Variants in SUMO3 observed in about 807,000 individuals in gnomAD.
The protein encoded by SUMO3 is small ubiquitin-related modifier 3.
A neutral mutation model predicts 11.1 loss-of-function variants in SUMO3; 2 were observed. That is an observed-to-expected ratio of 0.18 (90% confidence interval 0.07 to 0.57). The LOEUF (loss-of-function observed/expected upper bound fraction) is 0.57, where lower values mean the gene tolerates loss of function less well. SUMO3 is among the 20% of genes least tolerant of loss of function. The pLI, the probability that SUMO3 is intolerant of heterozygous loss-of-function variation, is 0.92. For missense variants in SUMO3, 70 were observed against 132.8 expected, an observed-to-expected ratio of 0.53 and a Z score of 2.32; for synonymous variants, 56 against 53.5, an observed-to-expected ratio of 1.05 and a Z score of -0.20.
chr21:44,813,131 A>T lies in SUMO3; in HGVS notation c.150+845T>A, dbSNP rs931830800. Among the ~76,000 whole-genome samples, 21 of 152,308 alleles carry T rather than the reference A, an allele frequency of 1.4e-4. No individual in the cohort carries two copies. The East Asian group carries it at 3.9e-3, about 28-fold the overall frequency. On this transcript the variant is annotated intron_variant, in intron 2 of 3. Coordinates refer to ENST00000332859, the MANE Select transcript of SUMO3 (RefSeq NM_006936.3). ...CCAAAGTGGGAGGGAAAGAGGAGGA[A>T]ATCTAACTGAAAATCCACAGGCAAA...
rs187516208 is a variant in SUMO3, at chr21:44,805,725, T to A, written c.*1226A>T. On this transcript the variant is annotated 3_prime_UTR_variant, in exon 4 of 4. Coordinates refer to ENST00000332859, the MANE Select transcript of SUMO3 (RefSeq NM_006936.3). ...CCAACAAACATCCCACCCGAGCCCA[T>A]ACAGCAAACAGGAAATGAGAACATT... The A allele has an allele frequency of 1.2e-4, 18 of 152,620 alleles. No individual in the cohort carries two copies. The highest frequency in any genetic ancestry group is 4.3e-4 in the African/African-American group (18 of 41,504). The allele number at this position is 152,620 out of a possible 1,614,324, so 9.5% of individuals were successfully genotyped here. A position where few individuals can be genotyped will look rare whatever the true frequency, so the allele number is the denominator to read the frequency against.
rs1301781857 is a variant in SUMO3 at position 44,810,962 on chromosome 21, ATGCACACCCATGCACACACC to A, written c.151-1864_151-1845del. Among the ~76,000 whole-genome samples the A allele has an allele frequency of 2.7e-5, 4 of 150,370 alleles. No homozygotes were observed. The highest frequency in any genetic ancestry group is 9.9e-5 in the African/African-American group (4 of 40,446). ...CCCACACACATGCACACACCCACAC[ATGCACACCCATGCACACACC>A]CATGCACACACCCACACATGCACAC... is the stretch of plus-strand genomic sequence containing the variant. On this transcript the variant is annotated intron_variant, in intron 2 of 3. Coordinates refer to ENST00000332859, the MANE Select transcript of SUMO3 (RefSeq NM_006936.3). This position sits in a 1 kb window ranked among gnomAD's most constrained non-coding sequence, Gnocchi z 4.1.
rs558455681 is a variant in SUMO3, at chr21:44,810,067, A to G, written c.151-949T>C. ...TTTGGCCTTGAGGAGGGCAGCAGGA[A>G]GGAGAGCACGCAGCCTTTCTGCGTC... On this transcript the variant is annotated intron_variant, in intron 2 of 3. Transcript: ENST00000332859. The surrounding 1 kb of genome is among the most constrained non-coding windows in gnomAD (Gnocchi z 4.1). Among the ~76,000 whole-genome samples, 1 of 152,336 alleles carries G rather than the reference A, an allele frequency of 6.6e-6. No homozygotes were observed. The highest frequency in any genetic ancestry group is 2.1e-4 in the South Asian group (1 of 4,824).
chr21:44,815,742 C>A (rs1331672506), intron 1 of SUMO3, among the ~76,000 whole-genome samples: 1 of 152,146 alleles, frequency 6.6e-6, no homozygotes, highest in Non-Finnish European at 1.5e-5. Context: ...GGAATGGCTG[C>A]AGCCCCGGGA....
In SUMO3 at chr21:44,813,985, G is replaced by A. The variant is rs373252768; in HGVS notation, c.141C>T (p.Cys47=). The A allele has an allele frequency of 3.2e-5, 51 of 1,611,616 alleles. No individual in the cohort carries two copies. Among genetic ancestry groups the A allele is most frequent in the Non-Finnish European group, 4.0e-5 (47 of 1,179,990 alleles). ...TPLSKLMKAY[C]ERQGLSMRQI... is the part of the protein sequence containing the mutation. ...GAGCAAGGTGCCGCACCTGCCTCTC[G>A]CAGTAGGCCTTCATCAGCTTGCTCA... The change falls in exon 2 of 4, where the codon TGC becomes TGT. Residue 47 remains cysteine, a synonymous_variant. Coordinates refer to ENST00000332859, the MANE Select transcript of SUMO3 (RefSeq NM_006936.3).
chr21:44,813,976 C>G lies in SUMO3; in HGVS notation c.150G>C (p.Gln50His). 6.2e-7 allele frequency: 1 copy of G among 1,611,040 alleles called. No individual in the cohort carries two copies. The change falls in exon 2 of 4, where the codon CAG (glutamine) becomes CAC (histidine). Residue 50 changes from glutamine to histidine, a missense_variant and splice_region_variant. By Grantham distance (24) the Gln-to-His change is conservative (BLOSUM62 0). Coordinates refer to ENST00000332859, the MANE Select transcript of SUMO3 (RefSeq NM_006936.3). ...SKLMKAYCER[Q>H]GLSMRQIRFR... ...TCTGCGGGGGAGCAAGGTGCCGCAC[C>G]TGCCTCTCGCAGTAGGCCTTCATCA...
upstream of SUMO3, chr21:44,818,062 TGCGC>T: frequency 2.9e-6 from 3 of 1,019,010 alleles, no homozygotes; most frequent in Non-Finnish European, 3.7e-6. Flanking sequence ...GCCGCAACTG[TGCGC>T]GGGGCCGCGC....
At chr21:44,814,546 A>G (rs562942089) in intron 1 of SUMO3, among the ~76,000 whole-genome samples, 1 of 152,248 alleles carries the variant, frequency 6.6e-6, no homozygotes, top group Non-Finnish European at 1.5e-5. Context: ...TTTTTAAAAA[A>G]TTCTTATGAA....
chr21:44,807,030 T>TC lies in SUMO3; in HGVS notation c.232dup (p.Glu78GlyfsTer45), dbSNP rs1441391881. The TC allele has an allele frequency of 6.2e-7, 1 of 1,613,788 alleles. No individual in the cohort carries two copies. Among genetic ancestry groups the TC allele is most frequent in the Non-Finnish European group, 8.5e-7 (1 of 1,179,958 alleles). On this transcript the variant is annotated frameshift_variant, in exon 4 of 4. Coordinates refer to ENST00000332859, the MANE Select transcript of SUMO3 (RefSeq NM_006936.3). LOFTEE classifies it high-confidence loss of function. The surrounding 1 kb of genome is among the most constrained non-coding windows in gnomAD (Gnocchi z 4.3). ...GAACACGTCGATGGTGTCCTCGTCC[T>TC]CCATCTCCAGCTGTCATGGTTGTCA... is the stretch of plus-strand genomic sequence containing the variant.
chr21:44,816,925 GTGGAGGGGGTGAT>G (rs2083247648), intron 1 of SUMO3, among the ~76,000 whole-genome samples: 1 of 126,798 alleles, frequency 7.9e-6, no homozygotes. Flanking sequence ...GGCGCACATC[GTGGAGGGGGTGAT>G]GGGGAGGGGT....
Position 44,817,999 on chromosome 21 carries a change from G to T in SUMO3, c.-31C>A. ...CGCGAGCGGCGCGGGGAGGCGGCGC[G>T]GGGGAAGCAGCGCGGAGCGGGCGAG... On this transcript the variant is annotated 5_prime_UTR_variant, in exon 1 of 4. Coordinates refer to ENST00000332859, the MANE Select transcript of SUMO3 (RefSeq NM_006936.3). 6 of 1,178,190 alleles carry T rather than the reference G, an allele frequency of 5.1e-6. No individual in the cohort carries two copies. The highest frequency in any genetic ancestry group is 6.3e-6 in the Non-Finnish European group (6 of 953,102). 73.0% of individuals were successfully genotyped at this position (1,178,190 alleles called of 1,614,324 possible).
At chr21:44,814,691 G>A (rs749547339) in intron 1 of SUMO3, among the ~76,000 whole-genome samples, 17 of 152,212 alleles carry the variant, frequency 1.1e-4, no homozygotes, top group Non-Finnish European at 1.9e-4. Context: ...ATCCAACTGA[G>A]GACGGCCACT....
At chr21:44,809,159 C>A in intron 2 of SUMO3, 41 bp from the exon 3 acceptor site, 1 of 1,595,198 alleles carries the variant, frequency 6.3e-7, no homozygotes, top group African/African-American at 1.3e-5. Flanking sequence ...CACTGGCAAG[C>A]CCTGGAAAGG....
Position 44,807,008 on chromosome 21 carries a change from C to T in SUMO3, c.255G>A (p.Val85=), listed in dbSNP as rs1452470358. Residue 85 remains valine, a synonymous_variant, in exon 4 of 4, where the codon GTG becomes GTA. Coordinates refer to ENST00000332859, the MANE Select transcript of SUMO3 (RefSeq NM_006936.3). This position sits in a 1 kb window ranked among gnomAD's most constrained non-coding sequence, Gnocchi z 4.3. ...LEMEDEDTID[V]FQQQTGGVPE... ...GCACACCTCCCGTCTGCTGCTGGAA[C>T]ACGTCGATGGTGTCCTCGTCCTCCA... 1.2e-6 allele frequency: 2 copies of T among 1,614,086 alleles called. No individual in the cohort carries two copies. The highest frequency in any genetic ancestry group is 2.7e-5 in the African/African-American group (2 of 75,030).
chr21:44,808,253 C>T (rs2146419627), intron 3 of SUMO3: 1 of 280,942 alleles, frequency 3.6e-6, no homozygotes, highest in South Asian at 1.5e-4. Flanking sequence ...TGGCTCATGC[C>T]TTTAATCCCA....
Position 44,810,596 on chromosome 21 carries a change from C to T in SUMO3, c.151-1478G>A, listed in dbSNP as rs189188956. Reference sequence around the variant, plus strand: ...CCCTCAACACTGTGCGCCAAGTCCCCTCTCCCCTCCAGATGCGCCTCCAGG... The same window carrying T: ...CCCTCAACACTGTGCGCCAAGTCCCTTCTCCCCTCCAGATGCGCCTCCAGG... On this transcript the variant is annotated intron_variant, in intron 2 of 3. Coordinates refer to ENST00000332859, the MANE Select transcript of SUMO3 (RefSeq NM_006936.3). The surrounding 1 kb of genome is among the most constrained non-coding windows in gnomAD (Gnocchi z 4.1). 3.7e-4 allele frequency among the ~76,000 whole-genome samples: 57 copies of T among 152,338 alleles called. 1 individual carries two copies. The Middle Eastern group carries it at 0.024, about 64-fold the overall frequency.
In SUMO3 at chr21:44,807,739, C is replaced by A. The variant is rs1601210446; in HGVS notation, c.223-699G>T. On this transcript the variant is annotated intron_variant, in intron 3 of 3. Coordinates refer to ENST00000332859, the MANE Select transcript of SUMO3 (RefSeq NM_006936.3). The surrounding 1 kb of genome is among the most constrained non-coding windows in gnomAD (Gnocchi z 4.3). The stretch of plus-strand genomic sequence containing the variant: ...TCCCATCAGGGCTGTCGGCCACCCT[C>A]ACCCTGCCACCGACACTATGGGCTG... Among the ~76,000 whole-genome samples, 1 of 152,342 alleles carries A rather than the reference C, an allele frequency of 6.6e-6. No homozygotes were observed. The highest frequency in any genetic ancestry group is 1.9e-4 in the East Asian group (1 of 5,176).
chr21:44,814,822 T>C (rs1002631039), intron 1 of SUMO3, among the ~76,000 whole-genome samples: 1 of 152,208 alleles, frequency 6.6e-6, no homozygotes, highest in African/African-American at 2.4e-5. Flanking sequence ...GGTGGTACTA[T>C]TTTATTTTTT....
rs1207280813 is a variant in SUMO3, at chr21:44,811,250, A to G, written c.151-2132T>C. On this transcript the variant is annotated intron_variant, in intron 2 of 3. Coordinates refer to ENST00000332859, the MANE Select transcript of SUMO3 (RefSeq NM_006936.3). The surrounding 1 kb of genome is among the most constrained non-coding windows in gnomAD (Gnocchi z 5.0). ...TCACGATTCAAATTCTATGGGAAGT[A>G]AAAAATACTACTACCTTCAGAAAAC... 6.6e-6 allele frequency among the ~76,000 whole-genome samples: 1 copy of G among 152,172 alleles called. No individual in the cohort carries two copies. The highest frequency in any genetic ancestry group is 1.9e-4 in the East Asian group (1 of 5,202).
Sources: gnomAD v4.1 joint callset for allele counts (sites outside exome capture counted in the v4.1 genomes callset) on GRCh38, gnomAD v4.1.1 for gene constraint, Gnocchi (gnomAD v3.1) non-coding constraint, MANE v1.5 for transcripts, NCBI Gene and HGNC (gene_info 2026-07-23, HGNC 2026-07-21) for gene names.